The following STK3 variants were observed in gnomAD, a reference collection of about 807,000 sequenced individuals.
STK3 encodes serine/threonine-protein kinase 3.
A neutral mutation model predicts 58.0 loss-of-function variants in STK3; 41 were observed. The observed-to-expected ratio is 0.71, with a 90% confidence interval of 0.55 to 0.92. The LOEUF (loss-of-function observed/expected upper bound fraction) is 0.92. Ranked by LOEUF, STK3 falls within the 40% of genes least tolerant of loss-of-function variation. STK3 has a pLI of 0.00. For synonymous variants in STK3, 170 were observed against 191.0 expected (o/e 0.89, Z 0.91); for missense variants, 479 against 602.7 (o/e 0.79, Z 2.15).
intron 1 of STK3, among the ~76,000 whole-genome samples, chr8:98,791,464 A>G (rs1832798058): frequency 6.6e-6 from 1 of 152,220 alleles, no homozygotes; most frequent in Non-Finnish European, 1.5e-5. Context: ...GAATTAGAAA[A>G]AACAATCCTA....
intron 9 of STK3, among the ~76,000 whole-genome samples, chr8:98,546,946 C>T (rs763143306): frequency 6.6e-6 from 1 of 152,070 alleles, no homozygotes; most frequent in African/African-American, 2.4e-5. Flanking sequence ...TACTGAGCCA[C>T]GTGACTTGAA....
chr8:98,572,931 GA>G (rs1056532625), intron 8 of STK3, among the ~76,000 whole-genome samples: 1 of 150,404 alleles, frequency 6.6e-6, no homozygotes, highest in South Asian at 2.1e-4. Context: ...GTTTATTCAG[GA>G]AAAAAAAATC....
chr8:98,935,732 T>C (rs185519665), intron 1 of STK3, among the ~76,000 whole-genome samples: 1 of 152,310 alleles, frequency 6.6e-6, no homozygotes, highest in Non-Finnish European at 1.5e-5. Context: ...TTAAATTGTA[T>C]ACTCTTGATA....
chr8:98,365,674 C>T, the STK3 span, among the ~76,000 whole-genome samples: 1 of 152,078 alleles, frequency 6.6e-6, no homozygotes, highest in South Asian at 2.1e-4. Context: ...TGATGGTTTC[C>T]ATGTGTCCCA....
At chr8:98,663,866 T>G (rs1822147469) in intron 6 of STK3, among the ~76,000 whole-genome samples, 1 of 152,148 alleles carries the variant, frequency 6.6e-6, no homozygotes, top group Admixed American at 6.5e-5. Context: ...GGTTACATAG[T>G]CTTTAATACT....
At chr8:98,850,911 A>G (rs1451857249) in intron 3 of STK3, among the ~76,000 whole-genome samples, 2 of 152,208 alleles carry the variant, frequency 1.3e-5, no homozygotes, top group African/African-American at 4.8e-5. Context: ...AGATTACTGC[A>G]GCCACAATGG....
chr8:98,800,974 C>T lies in STK3; in HGVS notation c.26+24541G>A, dbSNP rs888633896. On this transcript the variant is annotated intron_variant, in intron 1 of 10. Coordinates refer to ENST00000419617, the MANE Select transcript of STK3 (RefSeq NM_006281.4). The surrounding 1 kb of genome is among the most constrained non-coding windows in gnomAD (Gnocchi z 4.8). Reference sequence around the variant, plus strand: ...CCGCCCAAGGGCTGAGGAGTGCAGGCGCACAGTGCGGGACTGGCAGGCAGC... The same window carrying T: ...CCGCCCAAGGGCTGAGGAGTGCAGGTGCACAGTGCGGGACTGGCAGGCAGC... 3.3e-5 allele frequency among the ~76,000 whole-genome samples: 5 copies of T among 152,228 alleles called. No individual in the cohort carries two copies. Among genetic ancestry groups the T allele is most frequent in the South Asian group, 2.1e-4 (1 of 4,832 alleles).
chr8:98,755,622 A>G (rs979507317), intron 3 of STK3, among the ~76,000 whole-genome samples: 4 of 152,216 alleles, frequency 2.6e-5, no homozygotes, highest in Non-Finnish European at 5.9e-5. Flanking sequence ...CAGATTGGAA[A>G]AGAAAGAAAT....
Position 98,786,831 on chromosome 8 carries a change from G to A in STK3, c.27-12012C>T, listed in dbSNP as rs539798272. Among the ~76,000 whole-genome samples, 11 of 152,200 alleles carry A rather than the reference G, an allele frequency of 7.2e-5. No individual in the cohort carries two copies. In the East Asian group the frequency reaches 1.9e-3, roughly 27 times the overall value. On this transcript the variant is annotated intron_variant, in intron 1 of 10. Coordinates refer to ENST00000419617, the MANE Select transcript of STK3 (RefSeq NM_006281.4). ...ATATACAAATCCAGACAACACTTGTGAGATAACATACAAAATGAACATCAC... is the reference window on the plus strand; with the variant it reads ...ATATACAAATCCAGACAACACTTGTAAGATAACATACAAAATGAACATCAC...
At chr8:98,630,041 C>T (rs771318357) in intron 6 of STK3, among the ~76,000 whole-genome samples, 4 of 152,128 alleles carry the variant, frequency 2.6e-5, no homozygotes, top group East Asian at 1.9e-4. Flanking sequence ...TACCCTGCCT[C>T]GCCTGTTCCT....
intron 7 of STK3, 77 bp downstream of exon 7, chr8:98,595,955 C>T (rs567745834): frequency 4.4e-5 from 65 of 1,489,262 alleles, no homozygotes; most frequent in Non-Finnish European, 5.6e-5. Flanking sequence ...TTATGAAACA[C>T]ACAGCAATTC....
intron 8 of STK3, among the ~76,000 whole-genome samples, chr8:98,569,625 A>AC (rs1812798676): frequency 6.6e-6 from 1 of 152,168 alleles, no homozygotes; most frequent in African/African-American, 2.4e-5. Flanking sequence ...AGTAACAAAA[A>AC]CGGAGACAAT....
chr8:98,401,884 G>A (rs528501839), intron 3 of STK3, among the ~76,000 whole-genome samples: 1 of 152,212 alleles, frequency 6.6e-6, no homozygotes, highest in African/African-American at 2.4e-5. Context: ...GGAGCTAATT[G>A]AGGTTACAGA....
intron 10 of STK3, among the ~76,000 whole-genome samples, chr8:98,483,085 C>T (rs1014787543): frequency 2.6e-5 from 4 of 152,088 alleles, no homozygotes; most frequent in Non-Finnish European, 4.4e-5. Context: ...ATTAAAATGG[C>T]GACCAGGTAC....
chr8:98,603,974 C>A (rs1159788227), intron 6 of STK3, among the ~76,000 whole-genome samples: 1 of 152,126 alleles, frequency 6.6e-6, no homozygotes. Flanking sequence ...CCTAAATTAT[C>A]TAGGCAGGCC....
intron 7 of STK3, among the ~76,000 whole-genome samples, chr8:98,585,199 G>C (rs1814409110): frequency 6.6e-6 from 1 of 151,666 alleles, no homozygotes; most frequent in South Asian, 2.1e-4. Context: ...GTAATGCCTA[G>C]GTTTTCTTCT....
intron 10 of STK3, among the ~76,000 whole-genome samples, chr8:98,479,577 T>C (rs1422163494): frequency 1.3e-5 from 2 of 151,588 alleles, no homozygotes; most frequent in African/African-American, 4.9e-5. Context: ...ACTAACTCTT[T>C]TGCAGATAAT....
At chr8:98,894,628 A>C (rs1277273549) in intron 1 of STK3, among the ~76,000 whole-genome samples, 4 of 152,248 alleles carry the variant, frequency 2.6e-5, no homozygotes, top group Non-Finnish European at 5.9e-5. Flanking sequence ...AAATCTTACT[A>C]GAATGTAAGC....
At chr8:98,753,738 T>C (rs1210141083) in intron 3 of STK3, among the ~76,000 whole-genome samples, 1 of 151,712 alleles carries the variant, frequency 6.6e-6, no homozygotes, top group African/African-American at 2.4e-5. Flanking sequence ...AGGCAATAAA[T>C]ACAAAAAAAA....
Sources: gnomAD v4.1 joint callset for allele counts (sites outside exome capture counted in the v4.1 genomes callset) on GRCh38, gnomAD v4.1.1 for gene constraint, Gnocchi (gnomAD v3.1) non-coding constraint, MANE v1.5 for transcripts, NCBI Gene and HGNC (gene_info 2026-07-23, HGNC 2026-07-21) for gene names.